The following SCMH1 variants were observed in gnomAD, a reference collection of about 807,000 sequenced individuals.
SCMH1 encodes polycomb protein SCMH1.
In SCMH1, 37 loss-of-function variants were observed where a neutral mutation model predicts 70.8. That is an observed-to-expected ratio of 0.52 (90% CI 0.40 to 0.69). The LOEUF (loss-of-function observed/expected upper bound fraction) is 0.69. Ranked by LOEUF, SCMH1 falls within the 30% of genes least tolerant of loss-of-function variation. The probability of loss-of-function intolerance (pLI) is 0.00; values close to 1 mark genes in which losing one functional copy is unlikely to be tolerated. For missense variants in SCMH1, 607 were observed against 827.3 expected (o/e 0.73, Z 3.27); for synonymous variants, 292 against 307.4 (o/e 0.95, Z 0.52).
At chr1:41,071,826 C>T (rs1656631473) in intron 9 of SCMH1, among the ~76,000 whole-genome samples, 1 of 152,054 alleles carries the variant, frequency 6.6e-6, no homozygotes, top group African/African-American at 2.4e-5. Context: ...GCACACATGG[C>T]TTACTTTTAA....
chr1:41,107,752 T>C (rs1668337360), intron 8 of SCMH1, among the ~76,000 whole-genome samples: 1 of 152,146 alleles, frequency 6.6e-6, no homozygotes, highest in Non-Finnish European at 1.5e-5. Flanking sequence ...TCTCTTGACC[T>C]TGTGATCTGC....
intron 5 of SCMH1, among the ~76,000 whole-genome samples, chr1:41,145,279 T>C (rs1362075367): frequency 6.6e-6 from 1 of 151,944 alleles, no homozygotes; most frequent in Non-Finnish European, 1.5e-5. Flanking sequence ...CCAACTTCAC[T>C]TTTTTTTATG....
At chr1:41,211,895 T>C (rs1281110853) in intron 1 of SCMH1, among the ~76,000 whole-genome samples, 1 of 152,054 alleles carries the variant, frequency 6.6e-6, no homozygotes, top group Non-Finnish European at 1.5e-5. Context: ...AAACCATAAT[T>C]CTTAGCAAAC....
At chr1:41,034,129 G>A (rs1558299584) in intron 13 of SCMH1, 81 bp from the exon 14 acceptor site, 3 of 1,532,472 alleles carry the variant, frequency 2.0e-6, no homozygotes, top group Non-Finnish European at 2.6e-6. Context: ...CCTGAGAGGT[G>A]AGATGACTGA....
rs1182325827 is a variant in SCMH1, at chr1:41,161,348, G to GT, written c.82+15dup. 2.7e-5 allele frequency: 42 copies of GT among 1,547,258 alleles called. No homozygotes were observed. The highest frequency in any genetic ancestry group is 3.6e-5 in the Non-Finnish European group (41 of 1,146,250). ...GTAAAATTTTTCCACACCAAACGGA[G>GT]TTTTTTCCCCCTTACCTTGATATTG... On this transcript the variant is annotated intron_variant, in intron 3 of 14. Coordinates refer to ENST00000337495, the Ensembl canonical transcript of SCMH1.
chr1:41,182,710 TAAAAACAAAAAAAGAC>T (rs1337534562), intron 2 of SCMH1, among the ~76,000 whole-genome samples: 1 of 151,358 alleles, frequency 6.6e-6, no homozygotes, highest in East Asian at 1.9e-4. Flanking sequence ...GACTCTGTCT[TAAAAACAAAAAAAGAC>T]AAAAACAAAA....
chr1:41,035,492 C>T (rs569161300), intron 13 of SCMH1, among the ~76,000 whole-genome samples: 42 of 152,294 alleles, frequency 2.8e-4, no homozygotes, highest in African/African-American at 9.9e-4. Flanking sequence ...TCCCCATCTT[C>T]TTTAAGACTA....
chr1:41,128,282 A>AT (rs1673721481), intron 6 of SCMH1, among the ~76,000 whole-genome samples: 1 of 151,944 alleles, frequency 6.6e-6, no homozygotes, highest in African/African-American at 2.4e-5. Context: ...GCAGAGATCC[A>AT]TTTTTTCCAT....
At chr1:41,137,625 TAG>T (rs1460755436) in intron 6 of SCMH1, among the ~76,000 whole-genome samples, 1 of 152,210 alleles carries the variant, frequency 6.6e-6, no homozygotes, top group South Asian at 2.1e-4. Flanking sequence ...GGTTTCATAG[TAG>T]AGTTACTGTA....
intron 8 of SCMH1, among the ~76,000 whole-genome samples, chr1:41,087,075 C>T (rs986169652): frequency 6.6e-6 from 1 of 152,028 alleles, no homozygotes; most frequent in African/African-American, 2.4e-5. Context: ...ACAGACCCAA[C>T]TATACACATA....
chr1:41,176,006 T>C (rs1647094988), intron 2 of SCMH1, among the ~76,000 whole-genome samples: 1 of 151,402 alleles, frequency 6.6e-6, no homozygotes, highest in Admixed American at 6.6e-5. Flanking sequence ...TAGTATTCTA[T>C]TGCTTAAGTA....
At chr1:41,153,928 G>A (rs189193542) in intron 4 of SCMH1, among the ~76,000 whole-genome samples, 1 of 152,268 alleles carries the variant, frequency 6.6e-6, no homozygotes, top group Admixed American at 6.5e-5. Flanking sequence ...TCCAGAGTTA[G>A]CAAGTCTTCT....
chr1:41,117,081 C>A, intron 6 of SCMH1, 71 bp from the exon 7 acceptor site: 1 of 1,398,532 alleles, frequency 7.2e-7, no homozygotes, highest in South Asian at 1.5e-5. Flanking sequence ...GGTGGCAAGC[C>A]ACCCAGGTGC....
At chr1:41,187,191 G>A (rs947069600) in intron 1 of SCMH1, among the ~76,000 whole-genome samples, 1 of 152,036 alleles carries the variant, frequency 6.6e-6, no homozygotes, top group African/African-American at 2.4e-5. Context: ...GGCCAGACAC[G>A]GTGGCTCACG....
chr1:41,201,810 T>C (rs1654418111), intron 1 of SCMH1, among the ~76,000 whole-genome samples: 1 of 152,146 alleles, frequency 6.6e-6, no homozygotes, highest in Non-Finnish European at 1.5e-5. Flanking sequence ...AAAAAATTAA[T>C]TTAAGGCAAT....
At chr1:41,086,570 C>T (rs1434103871) in intron 8 of SCMH1, among the ~76,000 whole-genome samples, 1 of 151,930 alleles carries the variant, frequency 6.6e-6, no homozygotes, top group Non-Finnish European at 1.5e-5. Context: ...CCTGCCCTGC[C>T]CCTGGAGCTG....
chr1:41,234,394 T>A (rs1270530830), intron 1 of SCMH1, among the ~76,000 whole-genome samples: 1 of 150,526 alleles, frequency 6.6e-6, no homozygotes, highest in African/African-American at 2.4e-5. Flanking sequence ...GGCAGGAGGA[T>A]TACTTTAGCT....
chr1:41,075,638 G>A (rs1401313604), intron 8 of SCMH1, among the ~76,000 whole-genome samples, 187 bp from the exon 9 acceptor site: 1 of 152,132 alleles, frequency 6.6e-6, no homozygotes, highest in East Asian at 1.9e-4. Flanking sequence ...GGAATTGGAG[G>A]TTTTAAATTA....
chr1:41,048,397 G>GC (rs1445256594), intron 11 of SCMH1, among the ~76,000 whole-genome samples: 2 of 152,130 alleles, frequency 1.3e-5, no homozygotes, highest in African/African-American at 4.8e-5. Flanking sequence ...CCACAACATA[G>GC]CCCCCTCTGG....
Sources: gnomAD v4.1 joint callset for allele counts (sites outside exome capture counted in the v4.1 genomes callset) on GRCh38, gnomAD v4.1.1 for gene constraint, MANE v1.5 for transcripts, NCBI Gene and HGNC (gene_info 2026-07-23, HGNC 2026-07-21) for gene names.